The following MTCH2 variants were observed in gnomAD, a reference collection of about 807,000 sequenced individuals.
MTCH2 encodes mitochondrial carrier homolog 2.
A neutral mutation model predicts 50.6 loss-of-function variants in MTCH2; 25 were observed. The ratio of observed to expected loss-of-function variants is 0.49; its 90% CI spans 0.36 to 0.69. MTCH2 has a LOEUF of 0.69. Among genes scored for constraint, MTCH2 ranks in the 30% least tolerant of loss-of-function variants. The pLI is 0.00. For synonymous variants in MTCH2, 106 were observed against 132.0 expected (o/e 0.80, Z 1.35); for missense variants, 273 against 384.4 (o/e 0.71, Z 2.42).
chr11:47,632,720 A>G (rs1453462404), intron 5 of MTCH2, among the ~76,000 whole-genome samples: 1 of 144,476 alleles, frequency 6.9e-6, no homozygotes, highest in Admixed American at 7.0e-5. Context: ...TTTTTTTGAG[A>G]CAGAGTCTTG....
intron 8 of MTCH2, 120 bp from the exon 9 acceptor site, chr11:47,629,166 A>C (rs1438634443): frequency 1.2e-6 from 1 of 852,138 alleles, no homozygotes; most frequent in East Asian, 2.8e-5. Context: ...GAAGTAAAAA[A>C]GGAATCAAAC....
the MTCH2 span, among the ~76,000 whole-genome samples, chr11:47,608,956 T>A: frequency 5.7e-5 from 1 of 17,588 alleles, no homozygotes; most frequent in East Asian, 1.4e-3. Flanking sequence ...AGACTCTGTC[T>A]CAAAAAAAAA....
chr11:47,630,930 A>G, intron 7 of MTCH2, 106 bp downstream of exon 7: 1 of 985,132 alleles, frequency 1.0e-6, no homozygotes, highest in South Asian at 1.5e-5. Flanking sequence ...TCAGATACGA[A>G]TTTGTTCTAC....
In MTCH2 at chr11:47,635,570, T is replaced by A. The variant is rs756526308; in HGVS notation, c.281A>T (p.His94Leu). The change falls in exon 4 of 13, where the codon CAT (histidine) becomes CTT (leucine). Residue 94 changes from histidine (H) to leucine (L), a missense_variant and splice_region_variant. Around this residue, in one of 2 missense-constraint regions of MTCH2, gnomAD observed 203 missense variants for 244.3 expected, o/e 0.83. Coordinates refer to ENST00000302503, the MANE Select transcript of MTCH2 (RefSeq NM_014342.4). ...CTCACCCTTGTCACTCTCCTGGTAA[T>A]GCTATAGAAAAAAAGAAAAAGGATG... ...GTVVHGKVLQ[H>L]YQESDKGEEL... 1 of 1,612,768 alleles carries A rather than the reference T, an allele frequency of 6.2e-7. No individual in the cohort carries two copies. Among genetic ancestry groups the A allele is most frequent in the South Asian group, 1.1e-5 (1 of 91,056 alleles).
At chr11:47,608,802 C>CA in the MTCH2 span, among the ~76,000 whole-genome samples, 2 of 151,608 alleles carry the variant, frequency 1.3e-5, no homozygotes, top group African/African-American at 4.8e-5. Flanking sequence ...ACTAAAAATA[C>CA]AAAAAATTAG....
intron 1 of MTCH2, among the ~76,000 whole-genome samples, chr11:47,641,836 T>C (rs2097314457): frequency 6.6e-6 from 1 of 152,148 alleles, no homozygotes; most frequent in Non-Finnish European, 1.5e-5. Context: ...AATGAGCTCC[T>C]TGTGTTTCTC....
chr11:47,633,687 C>T (rs957913512), intron 5 of MTCH2, among the ~76,000 whole-genome samples: 2 of 150,810 alleles, frequency 1.3e-5, no homozygotes, highest in Admixed American at 6.7e-5. Flanking sequence ...CAGACATGCG[C>T]CACCATGCCT....
At chr11:47,640,349 T>C (rs544052665) in intron 1 of MTCH2, among the ~76,000 whole-genome samples, 7 of 152,098 alleles carry the variant, frequency 4.6e-5, no homozygotes, top group Non-Finnish European at 7.4e-5. Flanking sequence ...AACAAATAAA[T>C]AAACAAATAA....
intron 3 of MTCH2, 24 bp downstream of exon 3, chr11:47,638,675 A>C (rs774454089): frequency 3.2e-6 from 5 of 1,563,990 alleles, no homozygotes; most frequent in Non-Finnish European, 3.5e-6. Flanking sequence ...ATCTATGGGA[A>C]GATTGATTTA....
intron 3 of MTCH2, among the ~76,000 whole-genome samples, chr11:47,636,326 T>C (rs1166314931): frequency 1.3e-5 from 2 of 151,224 alleles, no homozygotes; most frequent in African/African-American, 2.4e-5. Flanking sequence ...CCCAGCTACT[T>C]GGGAAGCTGA....
chr11:47,636,950 T>G (rs1303459622), intron 3 of MTCH2, among the ~76,000 whole-genome samples: 1 of 117,936 alleles, frequency 8.5e-6, no homozygotes, highest in Non-Finnish European at 1.7e-5. Flanking sequence ...AAAAGAAAAT[T>G]CAAGAACTCT....
Position 47,631,716 on chromosome 11 carries a change from A to G in MTCH2, c.370-5T>C, listed in dbSNP as rs371558162. 19 of 1,614,026 alleles carry G rather than the reference A, an allele frequency of 1.2e-5. No homozygotes were observed. The African/African-American group carries it at 1.5e-4, about 12-fold the overall frequency. ...AGCGATCATCTCTCGAGTTGTCTAG[A>G]AACAATCAACACACACTTCTGAAAT... On this transcript the variant is annotated splice_polypyrimidine_tract_variant and splice_region_variant and intron_variant, in intron 5 of 12. Transcript: ENST00000302503.
At chr11:47,634,374 C>T (rs565182414) in intron 5 of MTCH2, among the ~76,000 whole-genome samples, 2 of 152,120 alleles carry the variant, frequency 1.3e-5, no homozygotes, top group Non-Finnish European at 1.5e-5. Context: ...GCCACCACAC[C>T]TGGCCTATTT....
downstream of MTCH2, among the ~76,000 whole-genome samples, chr11:47,614,111 T>A (rs1474087844): frequency 6.6e-6 from 1 of 151,646 alleles, no homozygotes; most frequent in Non-Finnish European, 1.5e-5. Flanking sequence ...AAAAACACAA[T>A]GTGGTTTACT....
intron 4 of MTCH2, among the ~76,000 whole-genome samples, chr11:47,635,162 T>C (rs1484233611): frequency 6.6e-6 from 1 of 152,076 alleles, no homozygotes; most frequent in Non-Finnish European, 1.5e-5. Context: ...CACTGCAGTC[T>C]TGACGTCCTG....
At chr11:47,616,811 A>G (rs1277155347), downstream of MTCH2, among the ~76,000 whole-genome samples, 1 of 150,848 alleles carries the variant, frequency 6.6e-6, no homozygotes, top group Non-Finnish European at 1.5e-5. Flanking sequence ...AGCCTCCCGC[A>G]TAGCTGGGAT....
At chr11:47,610,088 G>A in the MTCH2 span, among the ~76,000 whole-genome samples, 1 of 152,196 alleles carries the variant, frequency 6.6e-6, no homozygotes, top group Admixed American at 6.5e-5. Flanking sequence ...TCAGTTTGGG[G>A]ATCCTCAAGG....
chr11:47,632,846 A>T (rs985888890), intron 5 of MTCH2, among the ~76,000 whole-genome samples: 4 of 150,510 alleles, frequency 2.7e-5, no homozygotes, highest in African/African-American at 9.8e-5. Context: ...TTACAGGCAC[A>T]CACCACCATG....
At chr11:47,630,915 T>A (rs2097302411) in intron 7 of MTCH2, 121 bp downstream of exon 7, 2 of 880,040 alleles carry the variant, frequency 2.3e-6, no homozygotes, top group Admixed American at 4.8e-5. Context: ...GCAGATCAAA[T>A]GACATCAGAT....
Sources: allele counts gnomAD v4.1 joint callset (sites outside exome capture counted in the v4.1 genomes callset), GRCh38; gene constraint gnomAD v4.1.1; regional missense constraint gnomAD v4.1.1; transcripts MANE v1.5; gene names NCBI Gene and HGNC (gene_info 2026-07-23, HGNC 2026-07-21).